Variants in CLPB observed in about 807,000 individuals in gnomAD.
CLPB encodes ClpB family mitochondrial disaggregase.
A neutral mutation model predicts 78.4 loss-of-function variants in CLPB; 40 were observed. The observed-to-expected ratio is 0.51, with a 90% CI of 0.40 to 0.66. The LOEUF (loss-of-function observed/expected upper bound fraction) is 0.66, where lower values mean the gene tolerates loss of function less well. Ranked by LOEUF, CLPB falls within the 30% of genes least tolerant of loss-of-function variation. The pLI, the probability that CLPB is intolerant of heterozygous loss-of-function variation, is 0.00. For synonymous variants in CLPB, 333 were observed against 348.0 expected (o/e 0.96, Z 0.48); for missense variants, 780 against 886.9 (o/e 0.88, Z 1.53).
intron 5 of CLPB, among the ~76,000 whole-genome samples, chr11:72,343,930 T>C (rs1950464427): frequency 6.6e-6 from 1 of 152,200 alleles, no homozygotes; most frequent in South Asian, 2.1e-4. Context: ...GCTGACTGAA[T>C]AATTATGGCC....
At chr11:72,366,894 A>T (rs901905397) in intron 4 of CLPB, among the ~76,000 whole-genome samples, 1 of 152,160 alleles carries the variant, frequency 6.6e-6, no homozygotes, top group Non-Finnish European at 1.5e-5. Flanking sequence ...AAAGAAAACA[A>T]ATCGTTCTAC....
At chr11:72,360,073 C>A (rs992388390) in intron 4 of CLPB, among the ~76,000 whole-genome samples, 1 of 152,176 alleles carries the variant, frequency 6.6e-6, no homozygotes, top group Non-Finnish European at 1.5e-5. Flanking sequence ...GGAAATGAGA[C>A]CCCTCAGAGC....
intron 8 of CLPB, 151 bp from the exon 9 acceptor site, chr11:72,307,405 C>T: frequency 1.5e-6 from 1 of 675,956 alleles, no homozygotes; most frequent in South Asian, 1.9e-5. Flanking sequence ...CTCCCACAGT[C>T]ACCTAGGGAG....
intron 2 of CLPB, among the ~76,000 whole-genome samples, chr11:72,414,346 C>T (rs1324192406): frequency 2.0e-5 from 3 of 152,124 alleles, no homozygotes; most frequent in Non-Finnish European, 4.4e-5. Context: ...GTCATAGGCG[C>T]CACCTACTGG....
intron 5 of CLPB, among the ~76,000 whole-genome samples, chr11:72,341,033 C>T (rs948946547): frequency 2.0e-5 from 3 of 152,098 alleles, no homozygotes; most frequent in African/African-American, 7.2e-5. Flanking sequence ...CTGTGTTAGC[C>T]AGGATGGTCA....
Position 72,434,401 on chromosome 11 carries a change from G to T in CLPB, c.74C>A (p.Thr25Lys). ...RLLLRLLRSP[T>K]LRGHGGASGR... is the part of the protein sequence containing the mutation. ...GGAAGCACCTCCATGGCCCCGGAGCGTTGGGGACCTGAGCAGCCGGAGGAG... is the reference window on the plus strand; with the variant it reads ...GGAAGCACCTCCATGGCCCCGGAGCTTTGGGGACCTGAGCAGCCGGAGGAG... Residue 25 changes from threonine (T) to lysine (K), a missense_variant, in exon 1 of 16, where the codon ACG (threonine) becomes AAG (lysine). By Grantham distance (78) the Thr-to-Lys change is moderately conservative. This residue lies in a region of CLPB where 417 missense variants were observed against 414.7 expected (regional missense o/e 1.01). Coordinates refer to ENST00000538039, the MANE Select transcript of CLPB (RefSeq NM_001258392.3). 6.2e-7 allele frequency: 1 copy of T among 1,606,346 alleles called. No homozygotes were observed.
intron 5 of CLPB, among the ~76,000 whole-genome samples, chr11:72,330,628 G>A (rs942245644): frequency 1.3e-5 from 2 of 152,132 alleles, no homozygotes; most frequent in Non-Finnish European, 2.9e-5. Flanking sequence ...TCTCTTCTTC[G>A]AAAACCATCC....
chr11:72,308,478 G>C (rs781206338), intron 8 of CLPB, 49 bp downstream of exon 8: 1 of 1,552,646 alleles, frequency 6.4e-7, no homozygotes, highest in South Asian at 1.1e-5. Flanking sequence ...ACTTGGGCCG[G>C]GCACTACCCT....
chr11:72,307,764 G>A (rs1949770977), intron 8 of CLPB, among the ~76,000 whole-genome samples: 1 of 152,172 alleles, frequency 6.6e-6, no homozygotes, highest in African/African-American at 2.4e-5. Flanking sequence ...TACTGAAGTG[G>A]GGGCTCTGAA....
intron 1 of CLPB, 122 bp downstream of exon 1, chr11:72,433,950 G>GAGTC (rs1172999681): frequency 8.2e-7 from 1 of 1,218,060 alleles, no homozygotes; most frequent in East Asian, 2.4e-5. Context: ...GATGATGTCT[G>GAGTC]AGTCCCTCCA....
chr11:72,430,290 C>T, intron 2 of CLPB, 22 bp downstream of exon 2: 3 of 1,610,806 alleles, frequency 1.9e-6, no homozygotes, highest in Non-Finnish European at 2.5e-6. Context: ...TAGGGGAGAG[C>T]AAGGCCTGGG....
At chr11:72,300,015 T>A (rs1949626771) in intron 11 of CLPB, among the ~76,000 whole-genome samples, 1 of 152,164 alleles carries the variant, frequency 6.6e-6, no homozygotes. Flanking sequence ...CAGGCCGCGA[T>A]GCTCACCCTC....
At chr11:72,385,651 T>C (rs1490860825) in intron 3 of CLPB, among the ~76,000 whole-genome samples, 1 of 152,120 alleles carries the variant, frequency 6.6e-6, no homozygotes, top group East Asian at 1.9e-4. Context: ...GGTGAAACCC[T>C]GTCTCTACTA....
chr11:72,398,933 T>C (rs770016815), intron 3 of CLPB, among the ~76,000 whole-genome samples: 1 of 152,208 alleles, frequency 6.6e-6, no homozygotes, highest in Non-Finnish European at 1.5e-5. Flanking sequence ...GCAGTCCAAG[T>C]AAGCTTCTTA....
At chr11:72,392,294 C>T (rs1354182073) in intron 3 of CLPB, among the ~76,000 whole-genome samples, 1 of 151,984 alleles carries the variant, frequency 6.6e-6, no homozygotes. Flanking sequence ...GTGCACACCT[C>T]GATGAGGGGA....
In CLPB at chr11:72,434,118, G is replaced by C. The variant is rs763901316; in HGVS notation, c.357C>G (p.Ala119=). Residue 119 remains alanine (A), a synonymous_variant, in exon 1 of 16, where the codon GCC becomes GCG. Transcript: ENST00000538039. ...SRAGLGMCAL[A]AALVVHCYSK... The stretch of plus-strand genomic sequence containing the variant: ...TGTAGCAATGAACCACCAGCGCTGC[G>C]GCCAGGGCGCACATGCCCAGTCCGG... 2 of 1,611,930 alleles carry C rather than the reference G, an allele frequency of 1.2e-6. No homozygotes were observed. Among genetic ancestry groups the C allele is most frequent in the South Asian group, 2.2e-5 (2 of 91,076 alleles).
chr11:72,429,651 T>G (rs1200180270), intron 2 of CLPB, among the ~76,000 whole-genome samples: 1 of 152,194 alleles, frequency 6.6e-6, no homozygotes, highest in African/African-American at 2.4e-5. Context: ...CTGTAACTGA[T>G]GCCCCATGCT....
At chr11:72,297,863 G>C (rs571502365) in intron 11 of CLPB, among the ~76,000 whole-genome samples, 3 of 152,166 alleles carry the variant, frequency 2.0e-5, no homozygotes, top group Non-Finnish European at 4.4e-5. Flanking sequence ...AACTGGGCCT[G>C]AGGATGGGTC....
intron 5 of CLPB, among the ~76,000 whole-genome samples, chr11:72,353,641 TG>T (rs1157518563): frequency 1.3e-5 from 2 of 152,164 alleles, no homozygotes; most frequent in African/African-American, 4.8e-5. Context: ...GACACAGGCC[TG>T]GCCTTCATCC....
Sources: allele counts gnomAD v4.1 joint callset (sites outside exome capture counted in the v4.1 genomes callset), GRCh38; gene constraint gnomAD v4.1.1; regional missense constraint gnomAD v4.1.1; transcripts MANE v1.5; gene names NCBI Gene and HGNC (gene_info 2026-07-23, HGNC 2026-07-21).